The following USP34 variants were observed in gnomAD, a reference collection of about 807,000 sequenced individuals.
USP34 encodes ubiquitin carboxyl-terminal hydrolase 34.
In USP34, 70 loss-of-function variants were observed where a neutral mutation model predicts 460.3. The observed-to-expected ratio is 0.15, with a 90% confidence interval of 0.13 to 0.19. The LOEUF (loss-of-function observed/expected upper bound fraction) is 0.19, where lower values mean the gene tolerates loss of function less well. Among genes scored for constraint, USP34 ranks in the 10% least tolerant of loss-of-function variants. The probability of loss-of-function intolerance (pLI) is 1.00; values close to 1 mark genes in which losing one functional copy is unlikely to be tolerated. For synonymous variants in USP34, 1,647 were observed against 1,405.3 expected (o/e 1.17, Z -3.85); for missense variants, 3,985 against 4,236.2 (o/e 0.94, Z 1.65).
Position 61,295,241 on chromosome 2 carries a change from T to C in USP34, c.4304A>G (p.His1435Arg). The change falls in exon 31 of 80, where the codon CAC (histidine) becomes CGC (arginine). Residue 1435 changes from histidine (H) to arginine (R), a missense_variant. His to Arg is a conservative substitution (Grantham distance 29). Coordinates refer to ENST00000398571, the MANE Select transcript of USP34 (RefSeq NM_014709.4). ...AATTTCCAGAGCATACAATAGCTTG[T>C]GGGCGCTCTTAATTTTGAGAAGTTC... ...WKELLKIKSA[H>R]KLLYALEIIE... 1 of 1,609,686 alleles carries C rather than the reference T, an allele frequency of 6.2e-7. No individual in the cohort carries two copies. Among genetic ancestry groups the C allele is most frequent in the Non-Finnish European group, 8.5e-7 (1 of 1,178,428 alleles).
chr2:61,406,229 C>T, intron 2 of USP34, 101 bp from the exon 3 acceptor site: 1 of 1,098,342 alleles, frequency 9.1e-7, no homozygotes, highest in East Asian at 2.7e-5. Context: ...TATTTCTAGA[C>T]TTGTTTTTAT....
intron 67 of USP34, among the ~76,000 whole-genome samples, chr2:61,219,563 C>T (rs1246036534): frequency 6.6e-6 from 1 of 151,468 alleles, no homozygotes; most frequent in East Asian, 1.9e-4. Context: ...CTGAGCTACT[C>T]AGGAGGCTGA....
rs369541483 is a variant in USP34 at position 61,348,872 on chromosome 2, T to G, written c.1558A>C (p.Ser520Arg). 6.2e-7 allele frequency: 1 copy of G among 1,610,956 alleles called. No homozygotes were observed. Among genetic ancestry groups the G allele is most frequent in the African/African-American group, 1.3e-5 (1 of 74,794 alleles). ...TCGCTATTATCACTGCTTTGAGGAC[T>G]AGCTGCAGGTGACCCTATATAAAAT... ...TAPSPWSPAA[S>R]PQSSDNSDTH... is the part of the protein sequence containing the mutation. Residue 520 changes from serine (S) to arginine (R), a missense_variant, in exon 14 of 80, where the codon AGT becomes CGT. This residue lies in a region of USP34 where 716 missense variants were observed against 626.2 expected (regional missense o/e 1.14). Coordinates refer to ENST00000398571, the MANE Select transcript of USP34 (RefSeq NM_014709.4).
chr2:61,307,162 G>A (rs1236419761), intron 27 of USP34, among the ~76,000 whole-genome samples: 8 of 152,138 alleles, frequency 5.3e-5, no homozygotes, highest in East Asian at 1.9e-4. Context: ...CATGTCCTTT[G>A]TAGGGACATG....
chr2:61,308,637 C>T lies in USP34; in HGVS notation c.3817+2903G>A, dbSNP rs534346133. Among the ~76,000 whole-genome samples, 23 of 152,148 alleles carry T rather than the reference C, an allele frequency of 1.5e-4. No homozygotes were observed. The South Asian group carries it at 4.8e-3, about 32-fold the overall frequency. On this transcript the variant is annotated intron_variant, in intron 27 of 79. Transcript: ENST00000398571. ...AACTGAAAGGGTCCAGTGCTAAATACCTAAACATGTAAATACTGAAGCACC... is the reference window on the plus strand; with the variant it reads ...AACTGAAAGGGTCCAGTGCTAAATATCTAAACATGTAAATACTGAAGCACC...
At chr2:61,420,950 C>T in intron 1 of USP34, 117 bp from the exon 2 acceptor site, 1 of 644,930 alleles carries the variant, frequency 1.6e-6, no homozygotes, top group Non-Finnish European at 2.4e-6. Flanking sequence ...CATTCTTTTG[C>T]TTCCAAAGAA....
intron 1 of USP34, among the ~76,000 whole-genome samples, chr2:61,422,565 C>A (rs1321590787): frequency 3.3e-5 from 5 of 152,156 alleles, no homozygotes; most frequent in Non-Finnish European, 5.9e-5. Context: ...AGATTAGGAC[C>A]AAGATAAGGT....
rs764458277 is a variant in USP34, at chr2:61,223,077, T to G, written c.7732A>C (p.Asn2578His). Residue 2578 changes from asparagine to histidine, a missense_variant, in exon 64 of 80, where the codon AAT becomes CAT. Asn to His is a moderately conservative substitution (Grantham distance 68). Coordinates refer to ENST00000398571, the MANE Select transcript of USP34 (RefSeq NM_014709.4). The stretch of plus-strand genomic sequence containing the variant: ...GCACTTACATGTTCTGCAAGTCGAT[T>G]ATTGTATCGACACAGGCTGAAAATC... ...NLIFSLCRYN[N>H]RLAEHIVSML... is the part of the protein sequence containing the mutation. The G allele has an allele frequency of 2.5e-6, 4 of 1,613,176 alleles. No individual in the cohort carries two copies. In the South Asian group the frequency reaches 4.4e-5, roughly 18 times the overall value.
At position 61,235,828 on chromosome 2, in the gene USP34, T is replaced by C. The variant is rs778499045; in HGVS notation, c.7032+17A>G. The stretch of plus-strand genomic sequence containing the variant: ...AGAATCTTAAACTATGCATTAGTTG[T>C]TGAATTATCACCTTACCTCACAAGC... On this transcript the variant is annotated intron_variant, in intron 57 of 79. Transcript: ENST00000398571. The C allele has an allele frequency of 1.9e-6, 3 of 1,607,702 alleles. No individual in the cohort carries two copies. In the African/African-American group the frequency reaches 4.0e-5, roughly 22 times the overall value.
intron 76 of USP34, chr2:61,191,407 T>C (rs538614054): frequency 2.4e-4 from 36 of 151,952 alleles, no homozygotes; most frequent in South Asian, 8.3e-4. Flanking sequence ...TATATATATA[T>C]GCATATGTGT....
chr2:61,365,062 A>AC (rs1692389645), intron 10 of USP34, among the ~76,000 whole-genome samples: 2 of 151,904 alleles, frequency 1.3e-5, no homozygotes, highest in African/African-American at 4.8e-5. Context: ...GACCAGCCTG[A>AC]CCAACATGGT....
intron 10 of USP34, among the ~76,000 whole-genome samples, chr2:61,359,277 A>G (rs1255257140): frequency 6.6e-6 from 1 of 152,252 alleles, no homozygotes; most frequent in African/African-American, 2.4e-5. Flanking sequence ...GATCCCAAAA[A>G]TAAACCTTCA....
chr2:61,418,670 T>A (rs1278926194), intron 2 of USP34, among the ~76,000 whole-genome samples: 1 of 152,176 alleles, frequency 6.6e-6, no homozygotes, highest in Non-Finnish European at 1.5e-5. Flanking sequence ...GCCACAATAT[T>A]TTCTGAAGCT....
At chr2:61,435,862 C>T (rs1312726076) in intron 1 of USP34, among the ~76,000 whole-genome samples, 2 of 151,958 alleles carry the variant, frequency 1.3e-5, no homozygotes, top group Admixed American at 6.6e-5. Flanking sequence ...AACCTCATCT[C>T]TACTAAAATA....
intron 2 of USP34, among the ~76,000 whole-genome samples, chr2:61,413,228 T>A (rs1338660602): frequency 1.3e-5 from 2 of 152,008 alleles, no homozygotes; most frequent in Non-Finnish European, 2.9e-5. Context: ...ACCCTGACTC[T>A]ACTAAAAATA....
At chr2:61,302,660 T>C (rs2103646051) in intron 27 of USP34, among the ~76,000 whole-genome samples, 1 of 152,362 alleles carries the variant, frequency 6.6e-6, no homozygotes, top group Non-Finnish European at 1.5e-5. Context: ...ACAAGTCATA[T>C]ATGACTAATT....
chr2:61,452,021 A>G (rs571633075), intron 1 of USP34, among the ~76,000 whole-genome samples: 216 of 151,898 alleles, frequency 1.4e-3, no homozygotes, highest in Non-Finnish European at 2.3e-3. Context: ...AAAAATACAA[A>G]AAATTAGCCG....
chr2:61,411,428 T>C (rs1322076982), intron 2 of USP34, among the ~76,000 whole-genome samples: 1 of 151,212 alleles, frequency 6.6e-6, no homozygotes, highest in Non-Finnish European at 1.5e-5. Flanking sequence ...AAGTGAAATA[T>C]ATGACTTAAA....
rs757858475 is a variant in USP34 at position 61,350,410 on chromosome 2, T to G, written c.1378-21A>C. The G allele has an allele frequency of 3.1e-6, 5 of 1,595,102 alleles. No homozygotes were observed. In the South Asian group the frequency reaches 5.8e-5, roughly 18 times the overall value. Reference sequence around the variant, plus strand: ...AGTGTCTAAAAAAAAGAGGGAGAGATTTCAGTTTGAGAATTCCAGGCAACA... The same window carrying G: ...AGTGTCTAAAAAAAAGAGGGAGAGAGTTCAGTTTGAGAATTCCAGGCAACA... On this transcript the variant is annotated intron_variant, in intron 11 of 79. Coordinates refer to ENST00000398571, the MANE Select transcript of USP34 (RefSeq NM_014709.4).
Sources: allele counts gnomAD v4.1 joint callset (sites outside exome capture counted in the v4.1 genomes callset), GRCh38; gene constraint gnomAD v4.1.1; regional missense constraint gnomAD v4.1.1; transcripts MANE v1.5; gene names NCBI Gene and HGNC (gene_info 2026-07-23, HGNC 2026-07-21).